The following TNN variants were observed in gnomAD, a reference collection of about 807,000 sequenced individuals.
TNN encodes tenascin N, also known as tenascin-N.
A neutral mutation model predicts 134.4 loss-of-function variants in TNN; 122 were observed. The ratio of observed to expected loss-of-function variants is 0.91; its 90% CI spans 0.78 to 1.06. The LOEUF is 1.06. Among genes scored for constraint, TNN ranks in the 50% least tolerant of loss-of-function variants. The probability of loss-of-function intolerance (pLI) is 0.00; values close to 1 mark genes in which losing one functional copy is unlikely to be tolerated. For missense variants in TNN, 1,739 were observed against 1,699.4 expected, an observed-to-expected ratio of 1.02 and a Z score of -0.41; for synonymous variants, 710 against 670.3, an observed-to-expected ratio of 1.06 and a Z score of -0.91.
At chr1:175,118,855 G>T (rs1473416948) in intron 11 of TNN, 31 bp downstream of exon 11, 1 of 1,611,670 alleles carries the variant, frequency 6.2e-7, no homozygotes, top group African/African-American at 1.3e-5. Context: ...AGCAAACCCG[G>T]GTAGTAGCTG....
intron 17 of TNN, among the ~76,000 whole-genome samples, chr1:175,142,991 A>C (rs948827244): frequency 3.9e-5 from 6 of 152,154 alleles, no homozygotes; most frequent in Non-Finnish European, 7.4e-5. Flanking sequence ...AGCCATTGAT[A>C]GATAGCTCTC....
intron 12 of TNN, among the ~76,000 whole-genome samples, chr1:175,126,075 A>G (rs185532039): frequency 1.4e-5 from 2 of 146,392 alleles, no homozygotes; most frequent in East Asian, 2.0e-4. Context: ...ATGTAACAGT[A>G]TGTAAGAAAC....
chr1:175,140,077 A>G (rs574617157), intron 17 of TNN, among the ~76,000 whole-genome samples: 17 of 152,372 alleles, frequency 1.1e-4, no homozygotes, highest in African/African-American at 4.1e-4. Context: ...CACACTGTCC[A>G]TATCCTCCCA....
At chr1:175,097,789 G>T in intron 8 of TNN, 106 bp downstream of exon 8, 1 of 1,457,418 alleles carries the variant, frequency 6.9e-7, no homozygotes, top group Non-Finnish European at 9.2e-7. Context: ...GCAATTAGAA[G>T]TCTTAAAGAT....
chr1:175,120,827 G>T (rs12568941), intron 11 of TNN, among the ~76,000 whole-genome samples: 20,370 of 152,158 alleles, frequency 0.13, 2,159 homozygotes, highest in East Asian at 0.45. Flanking sequence ...CAGAGACAGG[G>T]TCTCATTCTG....
chr1:175,134,717 G>A (rs1304661158), intron 15 of TNN, among the ~76,000 whole-genome samples: 1 of 151,938 alleles, frequency 6.6e-6, no homozygotes, highest in Admixed American at 6.6e-5. Context: ...TCCACATTCT[G>A]TCACCACCTC....
intron 9 of TNN, among the ~76,000 whole-genome samples, chr1:175,099,667 C>T (rs946556122): frequency 7.4e-5 from 11 of 148,720 alleles, no homozygotes; most frequent in African/African-American, 2.3e-4. Flanking sequence ...CAGGAGGAAG[C>T]GAAGTGAAGG....
intron 17 of TNN, among the ~76,000 whole-genome samples, chr1:175,140,013 G>C (rs540864726): frequency 6.6e-6 from 1 of 152,376 alleles, no homozygotes; most frequent in Admixed American, 6.5e-5. Context: ...ATATGATTAT[G>C]AGGATATTAA....
In TNN at chr1:175,118,745, G is replaced by C. The variant is rs367656950; in HGVS notation, c.2571G>C (p.Pro857=). 1.5e-5 allele frequency: 25 copies of C among 1,614,062 alleles called. No individual in the cohort carries two copies. The highest frequency in any genetic ancestry group is 2.1e-5 in the Non-Finnish European group (25 of 1,180,040). Residue 857 remains proline (P), a synonymous_variant, in exon 11 of 19, where the codon CCG becomes CCC. Transcript: ENST00000239462. ...GCACTGTCCTGACGGGCCTGAGGCCGGGCATGGAGTACACGGTGCACGTGT... is the reference window on the plus strand; with the variant it reads ...GCACTGTCCTGACGGGCCTGAGGCCCGGCATGGAGTACACGGTGCACGTGT... ...QSSTVLTGLR[P]GMEYTVHVWA...
chr1:175,108,602 C>T lies in TNN; in HGVS notation c.2120-8337C>T, dbSNP rs562669162. On this transcript the variant is annotated intron_variant, in intron 9 of 18. Transcript: ENST00000239462. ...GGGCTGCAGGTCTCGAGCCCTGCCC[C>T]GTGGGAAGGCAGCTAAGGCTCAGCG... Among the ~76,000 whole-genome samples the T allele has an allele frequency of 1.1e-4, 17 of 152,360 alleles. No homozygotes were observed. The South Asian group carries it at 1.9e-3, about 17-fold the overall frequency.
At chr1:175,112,598 C>CTTTTTTTTTT (rs767531767) in intron 9 of TNN, among the ~76,000 whole-genome samples, 919 of 21,982 alleles carry the variant, frequency 0.042, 393 homozygotes, top group Non-Finnish European at 0.058. Context: ...GCCGGCCGAT[C>CTTTTTTTTTT]TTTTTTTTTT....
At chr1:175,115,998 C>T (rs1296793632) in intron 9 of TNN, among the ~76,000 whole-genome samples, 1 of 152,132 alleles carries the variant, frequency 6.6e-6, no homozygotes, top group East Asian at 1.9e-4. Flanking sequence ...CTGTGCTCAC[C>T]AGAGTTTCTG....
chr1:175,109,246 G>A (rs912817027), intron 9 of TNN, among the ~76,000 whole-genome samples: 1 of 146,750 alleles, frequency 6.8e-6, no homozygotes, highest in Non-Finnish European at 1.5e-5. Context: ...CCGCCACCGC[G>A]CCCGGCTAAT....
In TNN at chr1:175,079,639, G is replaced by A. The variant is rs1178776799; in HGVS notation, c.716G>A (p.Gly239Asp). ...AAGCGCTGTCCCGGCGACTGCAGCG[G>A]CCACGGCTTCTGTGACACGGGCGAG... ...SEKRCPGDCS[G>D]HGFCDTGECY... Residue 239 changes from glycine to aspartate, a missense_variant, in exon 3 of 19, where the codon GGC becomes GAC. Transcript: ENST00000239462. The A allele has an allele frequency of 6.2e-7, 1 of 1,607,774 alleles. No homozygotes were observed. Among genetic ancestry groups the A allele is most frequent in the African/African-American group, 1.3e-5 (1 of 74,948 alleles).
In TNN at chr1:175,085,723, A is replaced by G. The variant is rs1674309525; in HGVS notation, c.1324+229A>G. 1.3e-5 allele frequency among the ~76,000 whole-genome samples: 2 copies of G among 152,012 alleles called. 1 individual carries two copies. The highest frequency in any genetic ancestry group is 4.8e-5 in the African/African-American group (2 of 41,378). ...AACCCTGTCTCTACTAAAAATACAA[A>G]ATAAGCTGGGCGTGGTGGCGCATGC... is the stretch of plus-strand genomic sequence containing the variant. On this transcript the variant is annotated intron_variant, in intron 6 of 18. Transcript: ENST00000239462.
chr1:175,109,345 C>T (rs1574159025), intron 9 of TNN, among the ~76,000 whole-genome samples: 1 of 151,552 alleles, frequency 6.6e-6, no homozygotes. Flanking sequence ...GCCTCGGCCT[C>T]CCAAAGTGCT....
intron 15 of TNN, 139 bp from the exon 16 acceptor site, chr1:175,135,706 T>A: frequency 1.5e-6 from 1 of 660,500 alleles, no homozygotes; most frequent in Non-Finnish European, 2.7e-6. Flanking sequence ...TACTGACATA[T>A]AAATAAAAAG....
chr1:175,078,398 A>G (rs1293006345), intron 2 of TNN, among the ~76,000 whole-genome samples: 1 of 152,028 alleles, frequency 6.6e-6, no homozygotes, highest in African/African-American at 2.4e-5. Context: ...TATAATTGTA[A>G]AATAATTACA....
chr1:175,079,045 G>A (rs1227762189), intron 2 of TNN, among the ~76,000 whole-genome samples: 3 of 152,128 alleles, frequency 2.0e-5, no homozygotes, highest in East Asian at 1.9e-4. Flanking sequence ...ACACGGGAAG[G>A]GAAAGGAAAG....
Sources: allele counts gnomAD v4.1 joint callset (sites outside exome capture counted in the v4.1 genomes callset), GRCh38; gene constraint gnomAD v4.1.1; transcripts MANE v1.5; gene names NCBI Gene and HGNC (gene_info 2026-07-23, HGNC 2026-07-21).